The following PRDM5 variants were observed in gnomAD, a reference collection of about 807,000 sequenced individuals.
PRDM5 encodes the protein PR/SET domain 5.
A neutral mutation model predicts 81.2 loss-of-function variants in PRDM5; 56 were observed. The ratio of observed to expected loss-of-function variants is 0.69; its 90% CI spans 0.56 to 0.86. The LOEUF (loss-of-function observed/expected upper bound fraction) is 0.86. Among genes scored for constraint, PRDM5 ranks in the 40% least tolerant of loss-of-function variants. The probability of loss-of-function intolerance (pLI) is 0.00; values close to 1 mark genes in which losing one functional copy is unlikely to be tolerated. For missense variants in PRDM5, 697 were observed against 770.1 expected, an observed-to-expected ratio of 0.91 and a Z score of 1.12; for synonymous variants, 267 against 256.4, an observed-to-expected ratio of 1.04 and a Z score of -0.39.
chr4:120,920,817 T>C (rs1294913197), intron 1 of PRDM5, among the ~76,000 whole-genome samples: 1 of 152,206 alleles, frequency 6.6e-6, no homozygotes, highest in African/African-American at 2.4e-5. Context: ...AAAGTTAAAC[T>C]GGCCAGGAAA....
rs150121656 is a variant in PRDM5 at position 120,700,825 on chromosome 4, G to A, written c.1729-5550C>T. Among the ~76,000 whole-genome samples the A allele has an allele frequency of 1.3e-3, 200 of 152,146 alleles. 2 individuals are homozygous for A. The highest frequency in any genetic ancestry group is 4.3e-3 in the African/African-American group (180 of 41,504). ...GATATTATCTCACACTAGTCAGAAT[G>A]GCTATTGTTAACAAGTCAGCCAGGC... is the stretch of plus-strand genomic sequence containing the variant. On this transcript the variant is annotated intron_variant, in intron 15 of 15. Transcript: ENST00000264808.
intron 14 of PRDM5, among the ~76,000 whole-genome samples, chr4:120,717,683 A>C (rs1016716192): frequency 6.6e-6 from 1 of 152,204 alleles, no homozygotes; most frequent in African/African-American, 2.4e-5. Flanking sequence ...TGACCCCATC[A>C]GACAGGCTAC....
intron 2 of PRDM5, among the ~76,000 whole-genome samples, chr4:120,893,766 C>T (rs1764322162): frequency 6.6e-6 from 1 of 152,184 alleles, no homozygotes; most frequent in Non-Finnish European, 1.5e-5. Context: ...CGGAACATAT[C>T]TATTTTCGAA....
chr4:120,821,830 G>A (rs1578875161), intron 3 of PRDM5, among the ~76,000 whole-genome samples: 2 of 151,824 alleles, frequency 1.3e-5, no homozygotes, highest in East Asian at 3.9e-4. Flanking sequence ...CTGAAACCTG[G>A]TCCCGAAATA....
At chr4:120,727,941 GAAA>G (rs559287282) in intron 14 of PRDM5, among the ~76,000 whole-genome samples, 1 of 115,844 alleles carries the variant, frequency 8.6e-6, no homozygotes. Context: ...ATCTCAGTAA[GAAA>G]AAAAAAAAAA....
intron 3 of PRDM5, chr4:120,839,283 A>G (rs756260688): frequency 4.0e-5 from 28 of 702,996 alleles, no homozygotes; most frequent in African/African-American, 3.5e-4. Context: ...TCCTGTGACC[A>G]GGAAAAATGA....
At chr4:120,790,409 G>T (rs1278743266) in intron 10 of PRDM5, among the ~76,000 whole-genome samples, 4 of 152,096 alleles carry the variant, frequency 2.6e-5, no homozygotes, top group Admixed American at 6.5e-5. Flanking sequence ...TTGTACAGGA[G>T]AATTTTCTGC....
intron 11 of PRDM5, among the ~76,000 whole-genome samples, chr4:120,783,793 T>C (rs146437603): frequency 1.3e-5 from 2 of 152,218 alleles, no homozygotes; most frequent in African/African-American, 4.8e-5. Flanking sequence ...AGCATAACAC[T>C]GCCTTTTTTT....
chr4:120,848,001 A>G (rs1478233853), intron 3 of PRDM5, among the ~76,000 whole-genome samples: 1 of 152,170 alleles, frequency 6.6e-6, no homozygotes, highest in Admixed American at 6.5e-5. Flanking sequence ...ATTTTACTAC[A>G]GTGTATTATA....
intron 14 of PRDM5, among the ~76,000 whole-genome samples, chr4:120,746,723 A>G (rs1332427904): frequency 6.8e-6 from 1 of 147,518 alleles, no homozygotes; most frequent in Non-Finnish European, 1.5e-5. Flanking sequence ...GCAAATCAAA[A>G]CCACAATGAG....
At chr4:120,790,490 T>G (rs1750406479) in intron 10 of PRDM5, among the ~76,000 whole-genome samples, 1 of 152,202 alleles carries the variant, frequency 6.6e-6, no homozygotes, top group Non-Finnish European at 1.5e-5. Flanking sequence ...GCTCCTCTAG[T>G]AGATAACTTG....
At chr4:120,835,029 T>A (rs1757173181) in intron 3 of PRDM5, among the ~76,000 whole-genome samples, 2 of 152,222 alleles carry the variant, frequency 1.3e-5, no homozygotes, top group Non-Finnish European at 2.9e-5. Context: ...ATGATTGTTT[T>A]CACTTAAGTA....
intron 12 of PRDM5, 132 bp downstream of exon 12, chr4:120,781,011 T>C (rs1748956607): frequency 3.6e-6 from 3 of 827,442 alleles, no homozygotes; most frequent in Non-Finnish European, 5.6e-6. Context: ...AGAGCTGATA[T>C]AAATCATGCA....
chr4:120,788,135 A>T (rs955934589), intron 10 of PRDM5, among the ~76,000 whole-genome samples: 1 of 152,214 alleles, frequency 6.6e-6, no homozygotes, highest in Non-Finnish European at 1.5e-5. Flanking sequence ...CCTTTACAGA[A>T]ATACAACTGA....
intron 2 of PRDM5, among the ~76,000 whole-genome samples, chr4:120,869,218 G>A (rs1006711655): frequency 8.6e-5 from 13 of 151,840 alleles, no homozygotes; most frequent in Non-Finnish European, 1.3e-4. Context: ...TTTATCATAG[G>A]GCAAGGAAAT....
At chr4:120,774,164 T>C (rs1025285192) in intron 13 of PRDM5, among the ~76,000 whole-genome samples, 39 of 152,202 alleles carry the variant, frequency 2.6e-4, no homozygotes, top group African/African-American at 7.7e-4. Context: ...AACATGAGCA[T>C]CAGTGATCCA....
At chr4:120,816,644 C>A in intron 6 of PRDM5, 70 bp from the exon 7 acceptor site, 1 of 1,602,612 alleles carries the variant, frequency 6.2e-7, no homozygotes, top group South Asian at 1.1e-5. Flanking sequence ...CAAACATCAG[C>A]AAGATTTTGT....
At chr4:120,793,033 C>T (rs1054062457) in intron 10 of PRDM5, among the ~76,000 whole-genome samples, 1 of 152,154 alleles carries the variant, frequency 6.6e-6, no homozygotes, top group African/African-American at 2.4e-5. Flanking sequence ...AACCCTGCTA[C>T]AGCAGGATTA....
Position 120,732,749 on chromosome 4 carries a change from G to A in PRDM5, c.1623+21804C>T, listed in dbSNP as rs114762989. On this transcript the variant is annotated intron_variant, in intron 14 of 15. Transcript: ENST00000264808. ...AATTTCATGACCAAATGAATTTGAG[G>A]AAAGATAATGTCATCGAAGTGCTTG... is the stretch of plus-strand genomic sequence containing the variant. 8.9e-3 allele frequency among the ~76,000 whole-genome samples: 1,355 copies of A among 152,258 alleles called. 21 individuals are homozygous for A. The highest frequency in any genetic ancestry group is 0.03 in the African/African-American group (1,263 of 41,528).
Sources: allele counts gnomAD v4.1 joint callset (sites outside exome capture counted in the v4.1 genomes callset), GRCh38; gene constraint gnomAD v4.1.1; transcripts MANE v1.5; gene names NCBI Gene and HGNC (gene_info 2026-07-23, HGNC 2026-07-21).